Variants in NSMF observed in about 807,000 individuals in gnomAD.
NSMF encodes the protein nasal embryonic LHRH factor.
NSMF carries 31 observed loss-of-function variants against 71.0 expected under a neutral mutation model. The observed-to-expected ratio is 0.44, with a 90% CI of 0.33 to 0.59. The LOEUF is 0.59. Ranked by LOEUF, NSMF falls within the 20% of genes least tolerant of loss-of-function variation. The probability of loss-of-function intolerance (pLI) is 0.04; values close to 1 mark genes in which losing one functional copy is unlikely to be tolerated. For missense variants in NSMF, 673 were observed against 740.5 expected (o/e 0.91, Z 1.06); for synonymous variants, 345 against 287.1 (o/e 1.20, Z -2.04).
chr9:137,454,595 A>C, intron 6 of NSMF, 152 bp from the exon 7 acceptor site: 1 of 1,545,736 alleles, frequency 6.5e-7, no homozygotes. Flanking sequence ...TCCCACCCAA[A>C]GGCAAATCCC....
intron 9 of NSMF, 47 bp from the exon 10 acceptor site, chr9:137,452,866 C>T (rs1165780635): frequency 6.4e-7 from 1 of 1,567,964 alleles, no homozygotes; most frequent in East Asian, 2.3e-5. Context: ...CATCCAAAAG[C>T]CAAGGGGCTG....
At position 137,449,861 on chromosome 9, in the gene NSMF, GC is replaced by G. The variant is rs1361995278; in HGVS notation, c.1419+61del. The G allele has an allele frequency of 6.3e-6, 9 of 1,438,204 alleles. No homozygotes were observed. In the South Asian group the frequency reaches 8.0e-5, roughly 13 times the overall value. The allele number at this position is 1,438,204 out of a possible 1,614,324, so 89.1% of individuals were successfully genotyped here. A position where few individuals can be genotyped will look rare whatever the true frequency, so the allele number is the denominator to read the frequency against. On this transcript the variant is annotated intron_variant, in intron 14 of 15. Coordinates refer to ENST00000371475, the MANE Select transcript of NSMF (RefSeq NM_001130969.3). ...AATGCCAGGAAACATGGAAGGCTCT[GC>G]CCTGTCTGTCCACGTCGGGGGTTTC...
chr9:137,456,376 C>G, intron 4 of NSMF, 35 bp downstream of exon 4: 2 of 1,553,700 alleles, frequency 1.3e-6, no homozygotes, highest in East Asian at 2.2e-5. Flanking sequence ...AGAGACCACC[C>G]AACCCTGACC....
At chr9:137,456,580 G>T in intron 3 of NSMF, 94 bp from the exon 4 acceptor site, 1 of 850,454 alleles carries the variant, frequency 1.2e-6, no homozygotes, top group South Asian at 1.3e-5. Flanking sequence ...TGGGTCCAGG[G>T]GTCAGCAGAA....
At chr9:137,452,200 C>G (rs575054985) in intron 12 of NSMF, among the ~76,000 whole-genome samples, 165 bp downstream of exon 12, 1 of 105,810 alleles carries the variant, frequency 9.5e-6, no homozygotes, top group African/African-American at 3.9e-5. Context: ...TGGTCTCCAC[C>G]CCCACGCCTC....
chr9:137,458,779 G>C (rs1173457463), intron 1 of NSMF, among the ~76,000 whole-genome samples: 1 of 152,130 alleles, frequency 6.6e-6, no homozygotes, highest in Non-Finnish European at 1.5e-5. Context: ...GAGGCCGGTC[G>C]GCTGCTGTTC....
At chr9:137,455,497 G>C in intron 5 of NSMF, 132 bp downstream of exon 5, 2 of 1,232,522 alleles carry the variant, frequency 1.6e-6, no homozygotes, top group Middle Eastern at 1.9e-4. Flanking sequence ...GTGCCCGCTG[G>C]GAGCCAGGCC....
Position 137,453,038 on chromosome 9 carries a change from G to A in NSMF, c.1047+18C>T, listed in dbSNP as rs1359030576. ...CCTGCTCGGGGTGTAGAGGAGCACT[G>A]CCCGGGCTGGGCCTCACCATGACCT... On this transcript the variant is annotated intron_variant, in intron 9 of 15. Coordinates refer to ENST00000371475, the MANE Select transcript of NSMF (RefSeq NM_001130969.3). The surrounding 1 kb of genome is among the most constrained non-coding windows in gnomAD (Gnocchi z 4.5). 3 of 1,611,720 alleles carry A rather than the reference G, an allele frequency of 1.9e-6. No homozygotes were observed. The highest frequency in any genetic ancestry group is 1.7e-5 in the Admixed American group (1 of 60,000).
At chr9:137,454,953 A>G (rs1830756631) in intron 6 of NSMF, 2 of 699,382 alleles carry the variant, frequency 2.9e-6, no homozygotes, top group African/African-American at 1.8e-5. Flanking sequence ...AACGGGCAAA[A>G]AAGCTTCCCA....
chr9:137,456,305 G>T (rs1445690818), intron 4 of NSMF, 106 bp downstream of exon 4: 1 of 957,018 alleles, frequency 1.0e-6, no homozygotes, highest in Admixed American at 1.7e-5. Context: ...GGTCTGTTCA[G>T]AAGCAGCCCC....
chr9:137,449,874 A>AT (rs1228637471), intron 14 of NSMF, 49 bp downstream of exon 14: 7 of 1,497,210 alleles, frequency 4.7e-6, no homozygotes, highest in Non-Finnish European at 6.5e-6. Flanking sequence ...CTGTCTGTCC[A>AT]CGTCGGGGGT....
intron 6 of NSMF, chr9:137,454,880 C>CTCAAGGA: frequency 2.1e-6 from 1 of 474,072 alleles, no homozygotes; most frequent in Non-Finnish European, 2.8e-6. Flanking sequence ...TGTCCTTGAG[C>CTCAAGGA]CACCTCAGGG....
At chr9:137,452,693 G>A (rs768663297) in intron 10 of NSMF, 43 bp downstream of exon 10, 17 of 1,598,130 alleles carry the variant, frequency 1.1e-5, no homozygotes, top group Non-Finnish European at 1.3e-5. Context: ...GGGTGGGGCC[G>A]CAAGAGGGCA....
intron 6 of NSMF, 85 bp downstream of exon 6, chr9:137,455,154 C>T: frequency 7.0e-7 from 1 of 1,420,936 alleles, no homozygotes; most frequent in Non-Finnish European, 1.0e-6. Flanking sequence ...CTTCCCCCAT[C>T]AGGTCTGCCA....
At position 137,449,502 on chromosome 9, in the gene NSMF, CG is replaced by C. The variant is rs932883728; in HGVS notation, c.1496-12del. 88 of 1,612,452 alleles carry C rather than the reference CG, an allele frequency of 5.5e-5. No homozygotes were observed. Among genetic ancestry groups the C allele is most frequent in the Admixed American group, 1.0e-4 (6 of 59,996 alleles). On this transcript the variant is annotated splice_polypyrimidine_tract_variant and intron_variant, in intron 15 of 15. Coordinates refer to ENST00000371475, the MANE Select transcript of NSMF (RefSeq NM_001130969.3). ...CGATCATCTGCTTCCCTGGGCGGAG[CG>C]GGGGCAGGAGGCTCAGGCCTGGCCG...
rs1464482788 is a variant in NSMF at position 137,452,570 on chromosome 9, G to C, written c.1148C>G (p.Thr383Ser). ...GCACATACCAAGGATGTCCTCGAAG[G>C]TTGCGTGCTCATGGTCCTGGGGACA... ...IPILYDHEHA[T>S]FEDILEEIER... Residue 383 changes from threonine to serine, a missense_variant, in exon 11 of 16, where the codon ACC becomes AGC. Physicochemically the swap from Thr to Ser is moderately conservative, Grantham distance 58. Around this residue, in one of 2 missense-constraint regions of NSMF, gnomAD observed 202 missense variants for 280.8 expected, o/e 0.72. Transcript: ENST00000371475. The C allele has an allele frequency of 6.2e-7, 1 of 1,612,682 alleles. No homozygotes were observed. Among genetic ancestry groups the C allele is most frequent in the Non-Finnish European group, 8.5e-7 (1 of 1,179,980 alleles).
rs530636296 is a variant in NSMF, at chr9:137,456,248, A to G, written c.704+163T>C. ...GCACCAGCCATGGGAGGGGAAGAGCAGTCAGCCCTGGCCTCCCTGGCAGGC... is the reference window on the plus strand; with the variant it reads ...GCACCAGCCATGGGAGGGGAAGAGCGGTCAGCCCTGGCCTCCCTGGCAGGC... On this transcript the variant is annotated intron_variant, in intron 4 of 15. Coordinates refer to ENST00000371475, the MANE Select transcript of NSMF (RefSeq NM_001130969.3). The G allele has an allele frequency of 4.3e-5, 31 of 722,570 alleles. No homozygotes were observed. In the East Asian group the frequency reaches 7.9e-4, roughly 18 times the overall value. 44.8% of individuals were successfully genotyped at this position (722,570 alleles called of 1,614,324 possible).
intron 5 of NSMF, 108 bp from the exon 6 acceptor site, chr9:137,455,415 GGCCCGGC>G: frequency 1.5e-6 from 2 of 1,327,502 alleles, no homozygotes; most frequent in Non-Finnish European, 2.1e-6. Context: ...TGGGGCACGG[GGCCCGGC>G]AGAGGAGTCC....
Position 137,453,713 on chromosome 9 carries a change from C to A in NSMF, c.922+18G>T, listed in dbSNP as rs766109570. ...GGAGGCTCTGGGGAAGGTGGGCGGG[C>A]CTGTGCGGGGCACCTACTGTCTCGG... On this transcript the variant is annotated intron_variant, in intron 8 of 15. Coordinates refer to ENST00000371475, the MANE Select transcript of NSMF (RefSeq NM_001130969.3). This position sits in a 1 kb window ranked among gnomAD's most constrained non-coding sequence, Gnocchi z 4.5. The A allele has an allele frequency of 1.2e-5, 19 of 1,586,248 alleles. No individual in the cohort carries two copies. The highest frequency in any genetic ancestry group is 1.5e-5 in the Non-Finnish European group (18 of 1,168,580).
Sources: allele counts gnomAD v4.1 joint callset (sites outside exome capture counted in the v4.1 genomes callset), GRCh38; gene constraint gnomAD v4.1.1; regional missense constraint gnomAD v4.1.1; non-coding constraint Gnocchi (gnomAD v3.1); transcripts MANE v1.5; gene names NCBI Gene and HGNC (gene_info 2026-07-23, HGNC 2026-07-21).